The following KIAA1549L variants were observed in gnomAD, a reference collection of about 807,000 sequenced individuals.
KIAA1549L encodes UPF0606 protein KIAA1549L.
KIAA1549L carries 88 observed loss-of-function variants against 160.7 expected under a neutral mutation model. The ratio of observed to expected loss-of-function variants is 0.55; its 90% CI spans 0.46 to 0.65. The LOEUF (loss-of-function observed/expected upper bound fraction) is 0.65. Ranked by LOEUF, KIAA1549L falls within the 30% of genes least tolerant of loss-of-function variation. KIAA1549L has a pLI of 0.00. For missense variants in KIAA1549L, 2,258 were observed against 2,437.5 expected (o/e 0.93, Z 1.55); for synonymous variants, 950 against 976.7 (o/e 0.97, Z 0.51).
At chr11:33,493,395 T>A (rs1383534675) in intron 1 of KIAA1549L, among the ~76,000 whole-genome samples, 2 of 152,164 alleles carry the variant, frequency 1.3e-5, no homozygotes, top group Non-Finnish European at 2.9e-5. Flanking sequence ...AGCCTCCAGA[T>A]CTGTAAGAAA....
chr11:33,477,044 C>T (rs1189274234), intron 1 of KIAA1549L, among the ~76,000 whole-genome samples: 1 of 152,120 alleles, frequency 6.6e-6, no homozygotes, highest in Non-Finnish European at 1.5e-5. Flanking sequence ...AGAGGGCTGA[C>T]CCCCAGACTG....
chr11:33,515,327 C>T (rs1590302500), intron 1 of KIAA1549L, among the ~76,000 whole-genome samples: 1 of 152,220 alleles, frequency 6.6e-6, no homozygotes, highest in African/African-American at 2.4e-5. Flanking sequence ...TGTATGTGGG[C>T]CAGACATGGC....
chr11:33,478,320 C>A (rs1852334432), intron 1 of KIAA1549L, among the ~76,000 whole-genome samples: 1 of 152,326 alleles, frequency 6.6e-6, no homozygotes. Flanking sequence ...CTTTGCAAGC[C>A]CCCCAGACGG....
chr11:33,418,123 G>A (rs1327890565), intron 1 of KIAA1549L, among the ~76,000 whole-genome samples: 5 of 152,062 alleles, frequency 3.3e-5, no homozygotes, highest in Non-Finnish European at 7.4e-5. Context: ...AACAATATTC[G>A]CTATAGGTCA....
chr11:33,612,193 GAGTGAC>G (rs1464875772), intron 15 of KIAA1549L, among the ~76,000 whole-genome samples: 2 of 152,212 alleles, frequency 1.3e-5, no homozygotes, highest in African/African-American at 2.4e-5. Flanking sequence ...AGAAAAAAGA[GAGTGAC>G]AACCTCGGTA....
At chr11:33,574,206 TA>T (rs59436587) in intron 9 of KIAA1549L, among the ~76,000 whole-genome samples, 48,495 of 137,610 alleles carry the variant, frequency 0.35, 8,332 homozygotes, top group African/African-American at 0.46. Flanking sequence ...AACTTTTAGG[TA>T]AAAAAAAAAA....
Position 33,641,584 on chromosome 11 carries a change from A to G in KIAA1549L, c.5410-4102A>G, listed in dbSNP as rs1166712084. Among the ~76,000 whole-genome samples, 4 of 2,636 alleles carry G rather than the reference A, an allele frequency of 1.5e-3. No homozygotes were observed. The African/African-American group carries it at 0.015, about 10-fold the overall frequency. 1.7% of individuals were successfully genotyped at this position (2,636 alleles called of 152,430 possible). A position where few individuals can be genotyped will look rare whatever the true frequency, so the allele number is the denominator to read the frequency against. ...TGGTAATGGATCTGTATATATATAT[A>G]TATATATATATATATATATATATAT... On this transcript the variant is annotated intron_variant, in intron 16 of 20. Coordinates refer to ENST00000658780, the MANE Select transcript of KIAA1549L (RefSeq NM_012194.3).
At position 33,543,110 on chromosome 11, in the gene KIAA1549L, C is replaced by A; in HGVS notation, c.1547C>A (p.Ser516Tyr). ...TFLQPTENHA[S>Y]PSPVPEMPTL... ...CTCCAGCCCACAGAGAATCATGCCT[C>A]CCCATCTCCTGTGCCAGAAATGCCC... The change falls in exon 2 of 21, where the codon TCC becomes TAC. Residue 516 changes from serine to tyrosine, a missense_variant. Ser to Tyr is a moderately radical substitution (Grantham distance 144, BLOSUM62 -2). Coordinates refer to ENST00000658780, the MANE Select transcript of KIAA1549L (RefSeq NM_012194.3). The A allele has an allele frequency of 6.2e-7, 1 of 1,613,888 alleles. No individual in the cohort carries two copies. The highest frequency in any genetic ancestry group is 8.5e-7 in the Non-Finnish European group (1 of 1,179,882).
chr11:33,641,527 G>A (rs1851578418), intron 16 of KIAA1549L, among the ~76,000 whole-genome samples: 1 of 117,012 alleles, frequency 8.5e-6, no homozygotes, highest in South Asian at 2.7e-4. Flanking sequence ...ACAGAAATTT[G>A]TTTGACTCTG....
intron 1 of KIAA1549L, among the ~76,000 whole-genome samples, chr11:33,505,778 A>C (rs1027487587): frequency 6.6e-6 from 1 of 152,156 alleles, no homozygotes; most frequent in Non-Finnish European, 1.5e-5. Context: ...TACAGTTCCC[A>C]GTTTGCTTTT....
At chr11:33,641,243 T>A (rs750640081) in intron 16 of KIAA1549L, among the ~76,000 whole-genome samples, 1 of 152,130 alleles carries the variant, frequency 6.6e-6, no homozygotes, top group Non-Finnish European at 1.5e-5. Flanking sequence ...CAATTACAGC[T>A]TCACCTCTGG....
In KIAA1549L at chr11:33,435,790, A is replaced by ATGTG. The variant is rs1210337486; in HGVS notation, c.238+58902_238+58903insGTGT. ...TATATATATATATATATATATATATATATATATATATATATATATATGTGT... is the reference window on the plus strand; with the variant it reads ...TATATATATATATATATATATATATATGTGTATATATATATATATATATATGTGT... On this transcript the variant is annotated intron_variant, in intron 1 of 20. Coordinates refer to ENST00000658780, the MANE Select transcript of KIAA1549L (RefSeq NM_012194.3). Among the ~76,000 whole-genome samples, 87 of 26,096 alleles carry ATGTG rather than the reference A, an allele frequency of 3.3e-3. 9 individuals carry two copies. Among genetic ancestry groups the ATGTG allele is most frequent in the East Asian group, 6.5e-3 (2 of 306 alleles). The allele number at this position is 26,096 out of a possible 152,430, so 17.1% of individuals were successfully genotyped here.
chr11:33,618,437 C>T (rs1590403413), intron 15 of KIAA1549L, 96 bp from the exon 16 acceptor site: 16 of 1,148,516 alleles, frequency 1.4e-5, no homozygotes, highest in East Asian at 2.6e-5. Context: ...TGAGGCAAAT[C>T]CAAACCCTTC....
intron 4 of KIAA1549L, among the ~76,000 whole-genome samples, chr11:33,549,512 G>T (rs1400407390): frequency 2.0e-5 from 3 of 152,188 alleles, no homozygotes; most frequent in Non-Finnish European, 4.4e-5. Context: ...GTGTTGTCTT[G>T]TGCTGTGTCC....
intron 1 of KIAA1549L, among the ~76,000 whole-genome samples, chr11:33,518,049 T>A (rs1411936830): frequency 2.1e-5 from 3 of 142,670 alleles, no homozygotes; most frequent in African/African-American, 7.9e-5. Context: ...CTGAGGCAGA[T>A]AATTGCTTGA....
chr11:33,443,999 C>A (rs1485011855), intron 1 of KIAA1549L, among the ~76,000 whole-genome samples: 1 of 152,130 alleles, frequency 6.6e-6, no homozygotes, highest in Non-Finnish European at 1.5e-5. Flanking sequence ...AAAGGAATCT[C>A]CTGAGTTTTT....
In KIAA1549L at chr11:33,669,000, G is replaced by C. The variant is rs1480284591; in HGVS notation, c.*846G>C. The C allele has an allele frequency of 6.6e-6, 1 of 152,172 alleles. No individual in the cohort carries two copies. The highest frequency in any genetic ancestry group is 1.5e-5 in the Non-Finnish European group (1 of 68,024). 9.4% of individuals were successfully genotyped at this position (152,172 alleles called of 1,614,324 possible). A position where few individuals can be genotyped will look rare whatever the true frequency, so the allele number is the denominator to read the frequency against. ...TTGTTTTGAAGGTGGCCTGAGAATGGAGCTTCTCTTTTTCTTGGGATAATA... is the reference window on the plus strand; with the variant it reads ...TTGTTTTGAAGGTGGCCTGAGAATGCAGCTTCTCTTTTTCTTGGGATAATA... On this transcript the variant is annotated 3_prime_UTR_variant, in exon 21 of 21. Coordinates refer to ENST00000658780, the MANE Select transcript of KIAA1549L (RefSeq NM_012194.3).
chr11:33,616,866 C>T (rs1227428686), intron 15 of KIAA1549L, among the ~76,000 whole-genome samples: 2 of 152,108 alleles, frequency 1.3e-5, no homozygotes, highest in Non-Finnish European at 2.9e-5. Context: ...TTGGCGGGCA[C>T]GGAGGCTCAC....
At chr11:33,655,799 G>C (rs1408815108) in intron 17 of KIAA1549L, among the ~76,000 whole-genome samples, 1 of 152,162 alleles carries the variant, frequency 6.6e-6, no homozygotes, top group African/African-American at 2.4e-5. Context: ...TGGTTGGAGG[G>C]CCCTGTAAGT....
Sources: allele counts gnomAD v4.1 joint callset (sites outside exome capture counted in the v4.1 genomes callset), GRCh38; gene constraint gnomAD v4.1.1; transcripts MANE v1.5; gene names NCBI Gene and HGNC (gene_info 2026-07-23, HGNC 2026-07-21).